SEPTIN9: variants seen among roughly 807,000 people sequenced by gnomAD.
SEPTIN9 encodes the protein septin-9.
In SEPTIN9, 13 loss-of-function variants were observed where a neutral mutation model predicts 56.6. The ratio of observed to expected loss-of-function variants is 0.23; its 90% CI spans 0.15 to 0.37. SEPTIN9 has a LOEUF of 0.37. SEPTIN9 is among the 10% of genes least tolerant of loss of function. The pLI is 1.00. For missense variants in SEPTIN9, 650 were observed against 823.1 expected (o/e 0.79, Z 2.57); for synonymous variants, 332 against 334.1 (o/e 0.99, Z 0.07).
At chr17:77,377,335 G>A (rs1244298193) in intron 2 of SEPTIN9, 2 of 145,376 alleles carry the variant, frequency 1.4e-5, no homozygotes, top group Admixed American at 1.4e-4. Flanking sequence ...CGGACGGCAT[G>A]TGCTTTCGTG....
intron 2 of SEPTIN9, among the ~76,000 whole-genome samples, chr17:77,398,612 G>C (rs1377746436): frequency 6.6e-6 from 1 of 152,146 alleles, no homozygotes; most frequent in Non-Finnish European, 1.5e-5. Context: ...GGTTTCCTTG[G>C]GGAAGATGGA....
intron 3 of SEPTIN9, among the ~76,000 whole-genome samples, chr17:77,474,286 A>G (rs1161291362): frequency 1.3e-5 from 2 of 152,216 alleles, no homozygotes; most frequent in African/African-American, 4.8e-5. Context: ...GGGTTTCTCA[A>G]GTAAGCATCT....
At chr17:77,498,049 C>A (rs983314593) in intron 11 of SEPTIN9, among the ~76,000 whole-genome samples, 3 of 151,914 alleles carry the variant, frequency 2.0e-5, no homozygotes, top group Non-Finnish European at 4.4e-5. Context: ...GAGCCCAGGA[C>A]TTTTTTTTCC....
intron 3 of SEPTIN9, among the ~76,000 whole-genome samples, chr17:77,479,677 C>T (rs1391737093): frequency 2.0e-5 from 3 of 152,168 alleles, no homozygotes. Context: ...GAGCCGGCCC[C>T]TCCCTCGCTC....
Position 77,475,987 on chromosome 17 carries a change from A to T in SEPTIN9, c.722-6157A>T. The T allele has an allele frequency of 7.0e-7, 1 of 1,427,284 alleles. No homozygotes were observed. Among genetic ancestry groups the T allele is most frequent in the Non-Finnish European group, 9.6e-7 (1 of 1,037,942 alleles). 88.4% of individuals were successfully genotyped at this position (1,427,284 alleles called of 1,614,324 possible). A position where few individuals can be genotyped will look rare whatever the true frequency, so the allele number is the denominator to read the frequency against. On this transcript the variant is annotated intron_variant, in intron 3 of 11. Coordinates refer to ENST00000427177, the MANE Select transcript of SEPTIN9 (RefSeq NM_001113491.2). This position sits in a 1 kb window ranked among gnomAD's most constrained non-coding sequence, Gnocchi z 4.6. ...TGGGGAAGACAGGGGAATGGCATTGACTTGACCCTGAGCACTTTGTCCTGG... is the reference window on the plus strand; with the variant it reads ...TGGGGAAGACAGGGGAATGGCATTGTCTTGACCCTGAGCACTTTGTCCTGG...
In SEPTIN9 at chr17:77,299,853, G is replaced by A. The variant is rs540109684; in HGVS notation, c.20-7288G>A. ...AGCCAGATACTGTTGGCAGCTTGCCGTCAAGAGAGGGGCTGGTCACCAAGA... is the reference window on the plus strand; with the variant it reads ...AGCCAGATACTGTTGGCAGCTTGCCATCAAGAGAGGGGCTGGTCACCAAGA... On this transcript the variant is annotated intron_variant, in intron 1 of 11. Transcript: ENST00000427177. 1.3e-4 allele frequency among the ~76,000 whole-genome samples: 20 copies of A among 152,056 alleles called. No individual in the cohort carries two copies. The South Asian group carries it at 2.9e-3, about 22-fold the overall frequency.
rs190981552 is a variant in SEPTIN9, at chr17:77,295,104, G to A, written c.20-12037G>A. Among the ~76,000 whole-genome samples, 86 of 152,304 alleles carry A rather than the reference G, an allele frequency of 5.6e-4. 1 individual carries two copies. In the East Asian group the frequency reaches 7.7e-3, roughly 14 times the overall value. ...GTTTCCACCTCACACAAGAGAAAAT[G>A]TGACGGGCAGGAACTCAAGACTGGA... On this transcript the variant is annotated intron_variant, in intron 1 of 11. Coordinates refer to ENST00000427177, the MANE Select transcript of SEPTIN9 (RefSeq NM_001113491.2).
chr17:77,387,082 G>A (rs1476342212), intron 2 of SEPTIN9, among the ~76,000 whole-genome samples: 1 of 152,164 alleles, frequency 6.6e-6, no homozygotes, highest in Non-Finnish European at 1.5e-5. Flanking sequence ...GGGGAGGAGG[G>A]CCCCCGTGAC....
At chr17:77,305,401 G>T (rs557575055) in intron 1 of SEPTIN9, among the ~76,000 whole-genome samples, 1 of 152,076 alleles carries the variant, frequency 6.6e-6, no homozygotes, top group Non-Finnish European at 1.5e-5. Flanking sequence ...ACAGCCTGCC[G>T]TCAGACCCTC....
At chr17:77,398,658 A>G (rs376789439) in intron 2 of SEPTIN9, among the ~76,000 whole-genome samples, 10 of 152,288 alleles carry the variant, frequency 6.6e-5, no homozygotes, top group African/African-American at 2.4e-4. Flanking sequence ...GGGAAGATGG[A>G]CACCTCCGGA....
At chr17:77,455,509 C>T (rs1692950745) in intron 3 of SEPTIN9, among the ~76,000 whole-genome samples, 1 of 152,234 alleles carries the variant, frequency 6.6e-6, no homozygotes, top group African/African-American at 2.4e-5. Context: ...GCATGGACGT[C>T]CTCCCTCCCC....
chr17:77,305,518 C>T (rs2032224640), intron 1 of SEPTIN9, among the ~76,000 whole-genome samples: 1 of 152,118 alleles, frequency 6.6e-6, no homozygotes, highest in African/African-American at 2.4e-5. Flanking sequence ...CCAGGAGTCA[C>T]GACCCACACC....
rs146722665 is a variant in SEPTIN9 at position 77,359,637 on chromosome 17, T to C, written c.77-42422T>C. On this transcript the variant is annotated intron_variant, in intron 2 of 11. Coordinates refer to ENST00000427177, the MANE Select transcript of SEPTIN9 (RefSeq NM_001113491.2). ...GCAAGACCCTGTCTCTGCAAAAAAATATAAAATGTAGCTGAGTGTGGTGGC... is the reference window on the plus strand; with the variant it reads ...GCAAGACCCTGTCTCTGCAAAAAAACATAAAATGTAGCTGAGTGTGGTGGC... Among the ~76,000 whole-genome samples, 37 of 151,908 alleles carry C rather than the reference T, an allele frequency of 2.4e-4. No individual in the cohort carries two copies. In the East Asian group the frequency reaches 7.0e-3, roughly 29 times the overall value.
Position 77,367,687 on chromosome 17 carries a change from G to A in SEPTIN9, c.77-34372G>A, listed in dbSNP as rs769642281. ...AAAAATTAGCCGGGCATGGTAGCGG[G>A]TGCCTGTAATCCCAGCTACTCGGGA... On this transcript the variant is annotated intron_variant, in intron 2 of 11. Transcript: ENST00000427177. This position sits in a 1 kb window ranked among gnomAD's most constrained non-coding sequence, Gnocchi z 4.5. 1.3e-5 allele frequency among the ~76,000 whole-genome samples: 2 copies of A among 151,992 alleles called. No individual in the cohort carries two copies. Among genetic ancestry groups the A allele is most frequent in the Non-Finnish European group, 2.9e-5 (2 of 68,004 alleles).
intron 2 of SEPTIN9, among the ~76,000 whole-genome samples, chr17:77,348,834 A>G (rs1231636333): frequency 6.6e-6 from 1 of 152,234 alleles, no homozygotes; most frequent in East Asian, 1.9e-4. Flanking sequence ...AGACAATACA[A>G]TAAGGAAATT....
At chr17:77,355,073 T>G (rs1230976718) in intron 2 of SEPTIN9, among the ~76,000 whole-genome samples, 1 of 152,180 alleles carries the variant, frequency 6.6e-6, no homozygotes, top group Non-Finnish European at 1.5e-5. Flanking sequence ...ACGTGCCGAT[T>G]ATTTGGATGA....
At chr17:77,423,253 C>CT (rs1385141105) in intron 3 of SEPTIN9, among the ~76,000 whole-genome samples, 1 of 152,210 alleles carries the variant, frequency 6.6e-6, no homozygotes, top group East Asian at 1.9e-4. Flanking sequence ...CCAGGCTGGT[C>CT]TCGAACTCCT....
intron 1 of SEPTIN9, among the ~76,000 whole-genome samples, chr17:77,298,174 C>T (rs1204580632): frequency 6.6e-6 from 1 of 152,226 alleles, no homozygotes; most frequent in African/African-American, 2.4e-5. Context: ...CATATGCCTT[C>T]AGTAGGCGGT....
chr17:77,459,893 G>T (rs1436143267), intron 3 of SEPTIN9, among the ~76,000 whole-genome samples: 2 of 152,116 alleles, frequency 1.3e-5, no homozygotes, highest in African/African-American at 4.8e-5. Context: ...GGTCGGGCTG[G>T]TCCCAAACTC....
Sources: allele counts gnomAD v4.1 joint callset (sites outside exome capture counted in the v4.1 genomes callset), GRCh38; gene constraint gnomAD v4.1.1; non-coding constraint Gnocchi (gnomAD v3.1); transcripts MANE v1.5; gene names NCBI Gene and HGNC (gene_info 2026-07-23, HGNC 2026-07-21).